The following OPHN1 variants were observed in gnomAD, a reference collection of about 807,000 sequenced individuals.
OPHN1 encodes oligophrenin-1.
A neutral mutation model predicts 60.7 loss-of-function variants in OPHN1; 11 were observed. The ratio of observed to expected loss-of-function variants is 0.18; its 90% CI spans 0.11 to 0.30. OPHN1 has a LOEUF of 0.30. OPHN1 is among the 10% of genes least tolerant of loss of function. OPHN1 has a pLI of 1.00. For synonymous variants in OPHN1, 226 were observed against 222.6 expected (o/e 1.02, Z -0.14); for missense variants, 449 against 611.0 (o/e 0.73, Z 2.80).
intron 2 of OPHN1, among the ~76,000 whole-genome samples, chrX:68,317,347 GA>G (rs2078205168): frequency 2.0e-5 from 1 of 49,853 alleles, no homozygotes; most frequent in Admixed American, 2.3e-4. Context: ...AGGAAAGAAA[GA>G]AAGAAAGAAA....
intron 5 of OPHN1, among the ~76,000 whole-genome samples, chrX:68,255,610 T>C (rs1475897354): frequency 9.0e-6 from 1 of 111,023 alleles, no homozygotes; most frequent in Non-Finnish European, 1.9e-5. Context: ...GGATTTGAGA[T>C]GCAACATCAA....
intron 5 of OPHN1, among the ~76,000 whole-genome samples, chrX:68,260,324 G>A (rs1285990989): frequency 2.7e-5 from 3 of 109,581 alleles, no homozygotes; most frequent in Non-Finnish European, 3.8e-5. Flanking sequence ...TCTATGTTAC[G>A]GTGAACAACA....
At chrX:68,087,283 T>C (rs1217803017) in intron 19 of OPHN1, among the ~76,000 whole-genome samples, 1 of 112,308 alleles carries the variant, frequency 8.9e-6, no homozygotes, top group Non-Finnish European at 1.9e-5. Context: ...ATCCGAGGAA[T>C]ATTATTTCAT....
intron 15 of OPHN1, among the ~76,000 whole-genome samples, chrX:68,144,211 G>T (rs1036080976): frequency 9.2e-6 from 1 of 109,198 alleles, no homozygotes; most frequent in Non-Finnish European, 1.9e-5. Context: ...TATTTTTTTG[G>T]TAGAGACCGG....
At chrX:68,296,794 GTCTT>G (rs1475728310) in intron 3 of OPHN1, among the ~76,000 whole-genome samples, 2 of 110,683 alleles carry the variant, frequency 1.8e-5, no homozygotes, top group African/African-American at 3.3e-5. Context: ...GCAAGACCCT[GTCTT>G]TCTTTCTTTT....
In OPHN1 at chrX:68,331,255, T is replaced by TA. The variant is rs2078293450; in HGVS notation, c.155-32160dup. 3.7e-5 allele frequency among the ~76,000 whole-genome samples: 4 copies of TA among 106,872 alleles called. No homozygotes were observed. The South Asian group carries it at 1.5e-3, about 40-fold the overall frequency. 92.8% of individuals were successfully genotyped at this position (106,872 alleles called of 115,157 possible). On this transcript the variant is annotated intron_variant, in intron 2 of 24. Coordinates refer to ENST00000355520, the MANE Select transcript of OPHN1 (RefSeq NM_002547.3). ...ATTGTATTAATTATATATTAGTAGA[T>TA]ATATGTATTAATATATAATTATATT...
At chrX:68,327,818 T>G (rs1388870610) in intron 2 of OPHN1, among the ~76,000 whole-genome samples, 3 of 94,544 alleles carry the variant, frequency 3.2e-5, no homozygotes. Flanking sequence ...AAAAAAAAAA[T>G]TTTAAACTTT....
At chrX:68,128,925 TA>T (rs914474304) in intron 15 of OPHN1, among the ~76,000 whole-genome samples, 2 of 111,543 alleles carry the variant, frequency 1.8e-5, no homozygotes. Context: ...TAATGTACAA[TA>T]AAAGCGGCAT....
At chrX:68,407,340 A>C in intron 2 of OPHN1, among the ~76,000 whole-genome samples, 1 of 112,409 alleles carries the variant, frequency 8.9e-6, no homozygotes, top group Non-Finnish European at 1.9e-5. Context: ...ATTTGCTCAT[A>C]TGGTAAAATA....
chrX:68,152,593 C>T (rs150458839), intron 15 of OPHN1, among the ~76,000 whole-genome samples: 64 of 109,824 alleles, frequency 5.8e-4, no homozygotes, highest in African/African-American at 2.0e-3. Context: ...CAGGCACATG[C>T]CACCATGCCC....
At chrX:68,261,455 C>T (rs12008103) in intron 5 of OPHN1, among the ~76,000 whole-genome samples, 2,949 of 111,259 alleles carry the variant, frequency 0.027, 98 homozygotes, top group African/African-American at 0.092. Flanking sequence ...CTTGTCCTCC[C>T]TTAATCTTGG....
intron 5 of OPHN1, among the ~76,000 whole-genome samples, chrX:68,267,064 C>T (rs2077933590): frequency 9.0e-6 from 1 of 111,369 alleles, no homozygotes; most frequent in Non-Finnish European, 1.9e-5. Context: ...CTTAGACTCC[C>T]ACACAATAAT....
rs765187842 is a variant in OPHN1, at chrX:68,044,187, A to G, written c.*2985T>C. 1.1e-4 allele frequency: 12 copies of G among 112,291 alleles called. No homozygotes were observed. Among genetic ancestry groups the G allele is most frequent in the Non-Finnish European group, 2.3e-4 (12 of 53,278 alleles). The allele number at this position is 112,291 out of a possible 1,213,427, so 9.3% of individuals were successfully genotyped here. On this transcript the variant is annotated 3_prime_UTR_variant, in exon 25 of 25. Coordinates refer to ENST00000355520, the MANE Select transcript of OPHN1 (RefSeq NM_002547.3). Reference sequence around the variant, plus strand: ...CCCTCCTTCAAATGTTTGCCTTTCAATATTTTGTTAGGCAGGCAAGAGTCA... The same window carrying G: ...CCCTCCTTCAAATGTTTGCCTTTCAGTATTTTGTTAGGCAGGCAAGAGTCA...
At chrX:68,339,532 T>A (rs2078340920) in intron 2 of OPHN1, among the ~76,000 whole-genome samples, 1 of 112,402 alleles carries the variant, frequency 8.9e-6, no homozygotes. Context: ...ATCCAGTTTT[T>A]AAAAAAACTA....
At chrX:68,422,134 A>G (rs2078829060) in intron 2 of OPHN1, among the ~76,000 whole-genome samples, 1 of 111,375 alleles carries the variant, frequency 9.0e-6, no homozygotes, top group Non-Finnish European at 1.9e-5. Flanking sequence ...GGGAGGAAAT[A>G]CTGAAAAGAA....
At chrX:68,293,007 T>G (rs1006235904) in intron 3 of OPHN1, among the ~76,000 whole-genome samples, 1 of 112,173 alleles carries the variant, frequency 8.9e-6, no homozygotes, top group African/African-American at 3.2e-5. Context: ...ACATATGAGC[T>G]TAAGAGCTTC....
At chrX:68,189,795 A>T (rs191591486) in intron 15 of OPHN1, among the ~76,000 whole-genome samples, 40 of 112,077 alleles carry the variant, frequency 3.6e-4, no homozygotes, top group Admixed American at 1.2e-3. Flanking sequence ...ACTCTGTGAT[A>T]TATTTTATTT....
At chrX:68,382,766 T>C (rs2078603971) in intron 2 of OPHN1, among the ~76,000 whole-genome samples, 1 of 111,920 alleles carries the variant, frequency 8.9e-6, no homozygotes, top group Non-Finnish European at 1.9e-5. Flanking sequence ...GTGAATTTTA[T>C]GGTATGTGAA....
At chrX:68,260,169 C>T (rs2077886116) in intron 5 of OPHN1, among the ~76,000 whole-genome samples, 2 of 109,650 alleles carry the variant, frequency 1.8e-5, no homozygotes, top group Admixed American at 9.8e-5. Context: ...AGTAACACCC[C>T]GACTCTTGGA....
Sources: gnomAD v4.1 joint callset for allele counts (sites outside exome capture counted in the v4.1 genomes callset) on GRCh38, gnomAD v4.1.1 for gene constraint, MANE v1.5 for transcripts, NCBI Gene and HGNC (gene_info 2026-07-23, HGNC 2026-07-21) for gene names.